The following MIB2 variants were observed in gnomAD, a reference collection of about 807,000 sequenced individuals.
The protein encoded by MIB2 is MIB E3 ubiquitin protein ligase 2, also known as E3 ubiquitin-protein ligase MIB2.
A neutral mutation model predicts 96.6 loss-of-function variants in MIB2; 78 were observed. The ratio of observed to expected loss-of-function variants is 0.81; its 90% CI spans 0.67 to 0.97. The LOEUF (loss-of-function observed/expected upper bound fraction) is 0.97, where lower values mean the gene tolerates loss of function less well. Ranked by LOEUF, MIB2 falls within the 50% of genes least tolerant of loss-of-function variation. The pLI is 0.00. For missense variants in MIB2, 1,543 were observed against 1,424.0 expected (o/e 1.08, Z -1.35); for synonymous variants, 820 against 629.5 (o/e 1.30, Z -4.53).
Position 1,623,465 on chromosome 1 carries a change from C to A in MIB2, c.13C>A (p.Pro5Thr), listed in dbSNP as rs776885450. 4 of 1,596,586 alleles carry A rather than the reference C, an allele frequency of 2.5e-6. 1 individual carries two copies. In the South Asian group the frequency reaches 3.4e-5, roughly 13 times the overall value. Residue 5 changes from proline (P) to threonine (T), a missense_variant, in exon 3 of 20, where the codon CCC becomes ACC. Transcript: ENST00000355826. ...AGCCCCGCCCAACATGGACCCAGAC[C>A]CCCAGGCGGGCGTGCAGGTGGGCAT... is the stretch of plus-strand genomic sequence containing the variant. MDPD[P>T]QAGVQVGMRV...
chr1:1,616,465 C>G (rs369010624), intron 1 of MIB2, 43 bp from the exon 2 acceptor site: 1 of 1,368,744 alleles, frequency 7.3e-7, no homozygotes, highest in Non-Finnish European at 9.8e-7. Flanking sequence ...AGCCGCGGGT[C>G]GAGGTGCTAA....
At chr1:1,628,809 C>T (rs1376260814) in intron 16 of MIB2, 87 bp downstream of exon 16, 29 of 1,193,940 alleles carry the variant, frequency 2.4e-5, no homozygotes, top group Admixed American at 2.0e-4. Context: ...TGTCCACCTT[C>T]CCCTCCAGTG....
intron 2 of MIB2, among the ~76,000 whole-genome samples, chr1:1,622,103 GC>G (rs577931241): frequency 0.011 from 1,642 of 152,334 alleles, 20 homozygotes; most frequent in Middle Eastern, 0.071. Flanking sequence ...AGTTGGCAGG[GC>G]CCCCTCCCAT....
At chr1:1,627,966 T>C in intron 13 of MIB2, 53 bp from the exon 14 acceptor site, 1 of 1,608,330 alleles carries the variant, frequency 6.2e-7, no homozygotes, top group Admixed American at 1.7e-5. Flanking sequence ...GTGCCCTGGC[T>C]CTTGACCCAA....
At chr1:1,627,920 C>A in intron 13 of MIB2, 91 bp downstream of exon 13, 1 of 1,599,410 alleles carries the variant, frequency 6.3e-7, no homozygotes, top group Non-Finnish European at 8.5e-7. Context: ...TGCTCCCTGG[C>A]CTGGGTGCCC....
At position 1,628,091 on chromosome 1, in the gene MIB2, C is replaced by T. The variant is rs1200502305; in HGVS notation, c.1753C>T (p.Leu585Phe). Residue 585 changes from leucine to phenylalanine, a missense_variant, in exon 14 of 20, where the codon CTC becomes TTC. By Grantham distance (22) the Leu-to-Phe change is conservative. Transcript: ENST00000355826. The part of the protein sequence containing the change: ...GTGASGIVEV[L>F]TEVPNIDVTA... ...TGGAGCCAGCGGCATTGTCGAGGTCCTCACGGAGGTGCCAAACATCGATGT... is the reference window on the plus strand; with the variant it reads ...TGGAGCCAGCGGCATTGTCGAGGTCTTCACGGAGGTGCCAAACATCGATGT... 1.9e-6 allele frequency: 3 copies of T among 1,613,324 alleles called. No homozygotes were observed. The highest frequency in any genetic ancestry group is 2.2e-5 in the South Asian group (2 of 91,092).
chr1:1,617,473 C>G (rs760491336), intron 2 of MIB2: 1 of 152,248 alleles, frequency 6.6e-6, no homozygotes, highest in Non-Finnish European at 1.5e-5. Flanking sequence ...AGAAACTAAG[C>G]AGCAATAGAA....
In MIB2 at chr1:1,616,465, C is replaced by T. The variant is rs369010624; in HGVS notation, c.-129-43C>T. Reference sequence around the variant, plus strand: ...GCAGACAGGCGACCGAGCCGCGGGTCGAGGTGCTAACTGTGCATCTTGGCA... The same window carrying T: ...GCAGACAGGCGACCGAGCCGCGGGTTGAGGTGCTAACTGTGCATCTTGGCA... On this transcript the variant is annotated intron_variant, in intron 1 of 19. Coordinates refer to ENST00000355826, the MANE Select transcript of MIB2 (RefSeq NM_001170687.4). The T allele has an allele frequency of 2.1e-4, 293 of 1,368,740 alleles. 4 individuals are homozygous for T. In the East Asian group the frequency reaches 5.7e-3, roughly 27 times the overall value. 84.8% of individuals were successfully genotyped at this position (1,368,740 alleles called of 1,614,324 possible).
At chr1:1,629,075 C>T (rs773453671) in intron 16 of MIB2, 58 bp from the exon 17 acceptor site, 4 of 1,373,306 alleles carry the variant, frequency 2.9e-6, no homozygotes, top group South Asian at 3.3e-5. Flanking sequence ...TGCCAGGAGA[C>T]GCCTCCCTCG....
chr1:1,615,438 T>TC (rs1643497159), upstream of MIB2: 7 of 1,503,222 alleles, frequency 4.7e-6, no homozygotes, highest in East Asian at 2.6e-5. Flanking sequence ...GCCCTGCCCA[T>TC]CCCCGTGGCG....
At position 1,628,178 on chromosome 1, in the gene MIB2, CTG is replaced by C. The variant is rs1644993514; in HGVS notation, c.1841+2_1841+3del. ...CCATGCCTCCCTCAAGGGTCACGCG[CTG>C]TGAGTGTGGGGTGGGCACACAGCTG... On this transcript the variant is annotated splice_donor_variant and coding_sequence_variant, in exon 14 of 20. Coordinates refer to ENST00000355826, the MANE Select transcript of MIB2 (RefSeq NM_001170687.4). LOFTEE classifies it high-confidence loss of function. 1.2e-6 allele frequency: 2 copies of C among 1,613,088 alleles called. No individual in the cohort carries two copies. The highest frequency in any genetic ancestry group is 1.3e-5 in the African/African-American group (1 of 74,942).
At chr1:1,624,722 T>C (rs1644574306) in intron 4 of MIB2, 73 bp from the exon 5 acceptor site, 6 of 1,408,196 alleles carry the variant, frequency 4.3e-6, no homozygotes, top group East Asian at 4.9e-5. Flanking sequence ...ACTGCATCGC[T>C]CTCCCAAGTG....
At chr1:1,617,050 G>A in intron 2 of MIB2, 1 of 185,544 alleles carries the variant, frequency 5.4e-6, no homozygotes, top group Non-Finnish European at 1.1e-5. Context: ...GGAGGTGGCC[G>A]CAGCGCTCGT....
At position 1,626,339 on chromosome 1, in the gene MIB2, A is replaced by G. The variant is rs946662398; in HGVS notation, c.973-311A>G. On this transcript the variant is annotated intron_variant, in intron 8 of 19. Transcript: ENST00000355826. The surrounding 1 kb of genome is among the most constrained non-coding windows in gnomAD (Gnocchi z 5.3). ...CCACGCTGGCTCACGGGCCCTGGCC[A>G]TGTTGCCTGCTGCTGGTCAGCGTAC... 2.4e-6 allele frequency: 1 copy of G among 417,600 alleles called. No homozygotes were observed. Among genetic ancestry groups the G allele is most frequent in the Admixed American group, 4.1e-5 (1 of 24,382 alleles). The allele number at this position is 417,600 out of a possible 1,614,324, so 25.9% of individuals were successfully genotyped here. A position where few individuals can be genotyped will look rare whatever the true frequency, so the allele number is the denominator to read the frequency against.
chr1:1,624,052 G>C (rs1291106621), intron 4 of MIB2, 107 bp downstream of exon 4: 1 of 1,318,398 alleles, frequency 7.6e-7, no homozygotes, highest in African/African-American at 1.5e-5. Flanking sequence ...CCAGGAAGAC[G>C]GAGCAAGTCT....
Position 1,623,411 on chromosome 1 carries a change from A to G in MIB2, c.-22-20A>G. On this transcript the variant is annotated intron_variant, in intron 2 of 19. Coordinates refer to ENST00000355826, the MANE Select transcript of MIB2 (RefSeq NM_001170687.4). Reference sequence around the variant, plus strand: ...CAGGTCCCGAGCAGCCCGGCCCACCATGGACCCCTCTGCCCACAGGTCCCG... The same window carrying G: ...CAGGTCCCGAGCAGCCCGGCCCACCGTGGACCCCTCTGCCCACAGGTCCCG... 2 of 1,601,194 alleles carry G rather than the reference A, an allele frequency of 1.2e-6. No individual in the cohort carries two copies. The highest frequency in any genetic ancestry group is 1.1e-5 in the South Asian group (1 of 89,798).
chr1:1,616,516 G>T lies in MIB2; in HGVS notation c.-121G>T. The T allele has an allele frequency of 6.3e-7, 1 of 1,590,438 alleles. No individual in the cohort carries two copies. The highest frequency in any genetic ancestry group is 8.6e-7 in the Non-Finnish European group (1 of 1,169,288). ...TCTCCCCTCGGCCACAGGGTTGGAA[G>T]CCCAGCGAGGCTAGAGGCCAGTCCC... On this transcript the variant is annotated 5_prime_UTR_variant, in exon 2 of 20. Coordinates refer to ENST00000355826, the MANE Select transcript of MIB2 (RefSeq NM_001170687.4).
intron 19 of MIB2, among the ~76,000 whole-genome samples, chr1:1,629,994 C>A (rs1233283524): frequency 6.8e-6 from 1 of 148,042 alleles, no homozygotes; most frequent in Non-Finnish European, 1.5e-5. Context: ...CATAGCCCCA[C>A]CCCAGATCAC....
Position 1,626,984 on chromosome 1 carries a change from G to A in MIB2, c.1225G>A (p.Ala409Thr), listed in dbSNP as rs1463376829. ...TGCCAACCTGGACGTGGCCGAGCGCGCCCGGGAGAACAAAAGTGCGGCACA... is the reference window on the plus strand; with the variant it reads ...TGCCAACCTGGACGTGGCCGAGCGCACCCGGGAGAACAAAAGTGCGGCACA... The part of the protein sequence containing the change: ...EDANLDVAER[A>T]RENKSSLSVA... Residue 409 changes from alanine (A) to threonine (T), a missense_variant, in exon 10 of 20, where the codon GCC (alanine) becomes ACC (threonine). Physicochemically the swap from Ala to Thr is moderately conservative, Grantham distance 58 (BLOSUM62 0). Coordinates refer to ENST00000355826, the MANE Select transcript of MIB2 (RefSeq NM_001170687.4). The surrounding 1 kb of genome is among the most constrained non-coding windows in gnomAD (Gnocchi z 5.3). The A allele has an allele frequency of 4.3e-6, 7 of 1,611,082 alleles. No individual in the cohort carries two copies. Among genetic ancestry groups the A allele is most frequent in the Admixed American group, 1.7e-5 (1 of 59,840 alleles).
Sources: allele counts gnomAD v4.1 joint callset (sites outside exome capture counted in the v4.1 genomes callset), GRCh38; gene constraint gnomAD v4.1.1; non-coding constraint Gnocchi (gnomAD v3.1); transcripts MANE v1.5; gene names NCBI Gene and HGNC (gene_info 2026-07-23, HGNC 2026-07-21).